The following UTRN variants were observed in gnomAD, a reference collection of about 807,000 sequenced individuals.
UTRN encodes the protein utrophin.
Under a neutral mutation model 463.9 loss-of-function variants are expected in UTRN, and 283 were observed. The ratio of observed to expected loss-of-function variants is 0.61; its 90% CI spans 0.55 to 0.67. UTRN has a LOEUF of 0.67. UTRN is among the 30% of genes least tolerant of loss of function. UTRN has a pLI of 0.00. For synonymous variants in UTRN, 1,442 were observed against 1,431.5 expected, an observed-to-expected ratio of 1.01 and a Z score of -0.17; for missense variants, 3,922 against 4,084.3, an observed-to-expected ratio of 0.96 and a Z score of 1.08.
At chr6:144,400,669 G>C (rs981337294) in intron 2 of UTRN, among the ~76,000 whole-genome samples, 2 of 152,136 alleles carry the variant, frequency 1.3e-5, no homozygotes, top group African/African-American at 4.8e-5. Flanking sequence ...TTTGAAATAT[G>C]TACTCCCTTT....
chr6:144,782,224 A>G, intron 61 of UTRN, 101 bp downstream of exon 61: 2 of 1,004,230 alleles, frequency 2.0e-6, no homozygotes, highest in South Asian at 2.0e-5. Flanking sequence ...GTGCTTTCAA[A>G]TTACTTTCCC....
intron 26 of UTRN, among the ~76,000 whole-genome samples, chr6:144,480,695 C>T (rs1363812263): frequency 6.6e-6 from 1 of 152,184 alleles, no homozygotes; most frequent in East Asian, 1.9e-4. Flanking sequence ...AACACAGCTT[C>T]AACTGTCCTT....
chr6:144,337,904 T>C (rs1276658595), intron 2 of UTRN, among the ~76,000 whole-genome samples: 1 of 152,228 alleles, frequency 6.6e-6, no homozygotes. Flanking sequence ...CATGAGCCAT[T>C]GCGCCCAGCC....
At chr6:144,345,107 G>A (rs1485814882) in intron 2 of UTRN, among the ~76,000 whole-genome samples, 1 of 152,142 alleles carries the variant, frequency 6.6e-6, no homozygotes, top group African/African-American at 2.4e-5. Context: ...CTTTTTCAAT[G>A]TTTTCCTTTC....
At chr6:144,511,170 A>C in intron 35 of UTRN, 47 bp downstream of exon 35, 1 of 1,406,394 alleles carries the variant, frequency 7.1e-7, no homozygotes, top group Non-Finnish European at 9.4e-7. Context: ...CCTCTCTTCT[A>C]GTTATTTTTT....
chr6:144,822,730 T>G (rs1035532603), intron 66 of UTRN, among the ~76,000 whole-genome samples: 2 of 152,104 alleles, frequency 1.3e-5, no homozygotes, highest in African/African-American at 2.4e-5. Flanking sequence ...ATCTAATATA[T>G]GTTTAACTGT....
At chr6:144,480,040 C>A (rs1434120541) in intron 26 of UTRN, 58 bp downstream of exon 26, 4 of 1,559,410 alleles carry the variant, frequency 2.6e-6, no homozygotes, top group Admixed American at 3.8e-5. Flanking sequence ...CCTTTAAAAC[C>A]AGCACATCAA....
In UTRN at chr6:144,511,066, T is replaced by A; in HGVS notation, c.4887T>A (p.Leu1629=). ...TTTTAGAAGAGAGGCTCTGCGTCCT[T>A]AACGCTGGGTGGAGCCGAGTTCGTA... ...EPILEERLCV[L]NAGWSRVRTW... Residue 1629 remains leucine, a synonymous_variant, in exon 35 of 75, where the codon CTT becomes CTA. Coordinates refer to ENST00000367545, the MANE Select transcript of UTRN (RefSeq NM_007124.3). The A allele has an allele frequency of 6.2e-7, 1 of 1,611,332 alleles. No individual in the cohort carries two copies. The highest frequency in any genetic ancestry group is 8.5e-7 in the Non-Finnish European group (1 of 1,178,186).
At chr6:144,697,759 T>A (rs905384611) in intron 52 of UTRN, among the ~76,000 whole-genome samples, 2 of 152,190 alleles carry the variant, frequency 1.3e-5, no homozygotes, top group African/African-American at 4.8e-5. Context: ...TAATAGATAG[T>A]TTTTCAGATT....
At chr6:144,686,311 C>A (rs921576994) in intron 52 of UTRN, among the ~76,000 whole-genome samples, 1 of 151,966 alleles carries the variant, frequency 6.6e-6, no homozygotes, top group Non-Finnish European at 1.5e-5. Flanking sequence ...GTTTTGTGGC[C>A]TTATGTATTT....
At chr6:144,833,711 G>C (rs1225278375) in intron 69 of UTRN, among the ~76,000 whole-genome samples, 1 of 152,168 alleles carries the variant, frequency 6.6e-6, no homozygotes, top group Non-Finnish European at 1.5e-5. Flanking sequence ...ACATGAACTT[G>C]GTGAGGTGCC....
chr6:144,340,650 A>G (rs1381936415), intron 2 of UTRN, among the ~76,000 whole-genome samples: 2 of 152,352 alleles, frequency 1.3e-5, no homozygotes, highest in Non-Finnish European at 1.5e-5. Context: ...AGCTAGTGGT[A>G]TGAACAAAAT....
At chr6:144,474,453 T>C (rs781773255) in intron 24 of UTRN, 151 bp from the exon 25 acceptor site, 62 of 816,152 alleles carry the variant, frequency 7.6e-5, no homozygotes, top group Non-Finnish European at 1.0e-4. Flanking sequence ...GAAATGAGTT[T>C]CTTAAGGCAC....
chr6:144,422,651 T>A (rs1784932780), intron 4 of UTRN, among the ~76,000 whole-genome samples: 1 of 152,242 alleles, frequency 6.6e-6, no homozygotes, highest in Non-Finnish European at 1.5e-5. Context: ...AACTATGACA[T>A]CTATTTTTTA....
chr6:144,650,275 C>G (rs1778672595), intron 51 of UTRN, among the ~76,000 whole-genome samples: 1 of 152,088 alleles, frequency 6.6e-6, no homozygotes, highest in Admixed American at 6.6e-5. Flanking sequence ...AGCTACAGTT[C>G]AAGTTGACAT....
At chr6:144,338,966 G>A (rs945115219) in intron 2 of UTRN, among the ~76,000 whole-genome samples, 1 of 152,194 alleles carries the variant, frequency 6.6e-6, no homozygotes, top group Admixed American at 6.5e-5. Context: ...ATAAACATAT[G>A]TATTTACTGC....
chr6:144,804,035 G>A (rs1473407722), intron 65 of UTRN, among the ~76,000 whole-genome samples: 1 of 151,944 alleles, frequency 6.6e-6, no homozygotes, highest in Non-Finnish European at 1.5e-5. Flanking sequence ...ATTTTTTCCT[G>A]AAGTTATCCT....
chr6:144,471,200 G>C (rs932725646), intron 23 of UTRN, among the ~76,000 whole-genome samples: 1 of 152,066 alleles, frequency 6.6e-6, no homozygotes, highest in African/African-American at 2.4e-5. Flanking sequence ...ATGGGTCTGC[G>C]TGTATTAGAG....
intron 51 of UTRN, among the ~76,000 whole-genome samples, chr6:144,617,826 C>T (rs1806300060): frequency 6.6e-6 from 1 of 152,104 alleles, no homozygotes; most frequent in Non-Finnish European, 1.5e-5. Context: ...GGGGAGTATG[C>T]TTGCAGGGGA....
Sources: gnomAD v4.1 joint callset for allele counts (sites outside exome capture counted in the v4.1 genomes callset) on GRCh38, gnomAD v4.1.1 for gene constraint, MANE v1.5 for transcripts, NCBI Gene and HGNC (gene_info 2026-07-23, HGNC 2026-07-21) for gene names.